Variants in OR51B5 observed in about 807,000 individuals in gnomAD.
The protein encoded by OR51B5 is olfactory receptor family 51 subfamily B member 5, also known as olfactory receptor 51B5.
For synonymous variants in OR51B5, 186 were observed against 144.8 expected, an observed-to-expected ratio of 1.28 and a Z score of -2.04; for missense variants, 456 against 374.6, an observed-to-expected ratio of 1.22 and a Z score of -1.79.
chr11:5,505,602 G>A, exon 1 of OR51B5: 1 of 659,644 alleles, frequency 1.5e-6, no homozygotes, highest in South Asian at 2.1e-5. Context: ...TCACAACCAT[G>A]GCCAGGAGAA....
chr11:5,454,426 G>A, intron 1 of OR51B5: 2 of 1,601,100 alleles, frequency 1.2e-6, no homozygotes, highest in South Asian at 1.1e-5. Context: ...ATCAAAATAT[G>A]ACTTTCACAC....
intron 1 of OR51B5, among the ~76,000 whole-genome samples, chr11:5,387,239 C>T (rs538853666): frequency 6.6e-6 from 1 of 152,014 alleles, no homozygotes; most frequent in African/African-American, 2.4e-5. Flanking sequence ...CTAGAGAGAG[C>T]TCTAAAAAGG....
chr11:5,448,378 C>T (rs1273210568), intron 1 of OR51B5, among the ~76,000 whole-genome samples: 3 of 152,144 alleles, frequency 2.0e-5, no homozygotes. Context: ...CTGATAGCAA[C>T]ATTTAAGGAG....
chr11:5,348,068 T>A (rs573119089), upstream of OR51B5, among the ~76,000 whole-genome samples: 1 of 149,360 alleles, frequency 6.7e-6, no homozygotes, highest in Non-Finnish European at 1.5e-5. Context: ...AACAGAGAGA[T>A]CGAAGCTGAT....
At chr11:5,356,307 G>T (rs1039518289) in intron 1 of OR51B5, among the ~76,000 whole-genome samples, 2 of 151,956 alleles carry the variant, frequency 1.3e-5, no homozygotes, top group African/African-American at 4.8e-5. Context: ...GAAAACCAAG[G>T]CATGAGAACT....
Position 5,418,245 on chromosome 11 carries a change from G to A in OR51B5, n.85-71335C>T, listed in dbSNP as rs61894102. On this transcript the variant is annotated intron_variant and non_coding_transcript_variant, in intron 1 of 4. Transcript: ENST00000415970. Reference sequence around the variant, plus strand: ...ACAGGAAGGGGAACATCACACTCTGGGGACTGTTGTGGGGTGCGGGGAGGG... The same window carrying A: ...ACAGGAAGGGGAACATCACACTCTGAGGACTGTTGTGGGGTGCGGGGAGGG... 0.039 allele frequency among the ~76,000 whole-genome samples: 5,933 copies of A among 151,980 alleles called. 508 individuals are homozygous for A. The East Asian group carries it at 0.4, about 10-fold the overall frequency.
At chr11:5,421,408 A>C (rs1850334975) in intron 1 of OR51B5, among the ~76,000 whole-genome samples, 1 of 152,248 alleles carries the variant, frequency 6.6e-6, no homozygotes, top group Admixed American at 6.5e-5. Flanking sequence ...AGGGCACATG[A>C]CTTGTTAGAA....
intron 1 of OR51B5, among the ~76,000 whole-genome samples, chr11:5,363,840 A>C (rs1212227004): frequency 5.3e-5 from 8 of 152,194 alleles, no homozygotes. Flanking sequence ...AGCAATTACC[A>C]TAGCAATTAT....
At chr11:5,379,672 C>A (rs1382650431) in intron 1 of OR51B5, among the ~76,000 whole-genome samples, 1 of 122,268 alleles carries the variant, frequency 8.2e-6, no homozygotes, top group African/African-American at 3.1e-5. Flanking sequence ...TCAAGGTTAG[C>A]TAAAGATATG....
chr11:5,418,910 G>T (rs886357284), intron 1 of OR51B5, among the ~76,000 whole-genome samples: 1 of 145,942 alleles, frequency 6.9e-6, no homozygotes, highest in Non-Finnish European at 1.5e-5. Flanking sequence ...GGTCTCACTA[G>T]AAGTTCCTGA....
At chr11:5,389,262 C>A (rs1849751145) in intron 1 of OR51B5, 3 of 842,564 alleles carry the variant, frequency 3.6e-6, no homozygotes, top group South Asian at 1.7e-5. Context: ...GTGAGATTGG[C>A]AGAATTCATA....
chr11:5,454,691 A>C (rs1305855358), intron 1 of OR51B5: 1 of 287,106 alleles, frequency 3.5e-6, no homozygotes, highest in Non-Finnish European at 6.5e-6. Context: ...AATTTAAGCT[A>C]GGAATTATTT....
intron 1 of OR51B5, among the ~76,000 whole-genome samples, chr11:5,451,578 T>C (rs1288786754): frequency 6.6e-6 from 1 of 152,218 alleles, no homozygotes; most frequent in Non-Finnish European, 1.5e-5. Flanking sequence ...GAAACCATAG[T>C]ACCTGTGAGT....
intron 1 of OR51B5, chr11:5,402,754 G>C: frequency 2.1e-6 from 1 of 471,438 alleles, no homozygotes; most frequent in South Asian, 1.5e-5. Flanking sequence ...CACGTCATCA[G>C]AACAGATATT....
At chr11:5,403,144 C>T (rs564485975) in intron 1 of OR51B5, 3 of 468,348 alleles carry the variant, frequency 6.4e-6, no homozygotes, top group South Asian at 4.7e-5. Flanking sequence ...TTCCTATTGT[C>T]TGCACCCCAA....
At chr11:5,361,761 GAAA>G (rs1849288746) in intron 1 of OR51B5, among the ~76,000 whole-genome samples, 1 of 58,948 alleles carries the variant, frequency 1.7e-5, no homozygotes, top group Non-Finnish European at 4.1e-5. Context: ...ATCTAGTTAG[GAAA>G]AAATCAAGTT....
chr11:5,426,556 A>C (rs1232795741), intron 1 of OR51B5, among the ~76,000 whole-genome samples: 1 of 152,142 alleles, frequency 6.6e-6, no homozygotes, highest in African/African-American at 2.4e-5. Context: ...AAAAAGAAGT[A>C]TAGTATGTAC....
chr11:5,461,344 G>A (rs941310377), intron 1 of OR51B5, among the ~76,000 whole-genome samples: 11 of 152,186 alleles, frequency 7.2e-5, no homozygotes, highest in Non-Finnish European at 1.2e-4. Context: ...TTCCGAGGGC[G>A]GGGGTTGCTA....
intron 1 of OR51B5, among the ~76,000 whole-genome samples, chr11:5,472,423 G>T (rs955536825): frequency 1.3e-5 from 2 of 152,094 alleles, no homozygotes; most frequent in African/African-American, 4.8e-5. Context: ...AGAGGCTGGT[G>T]AAGTGTCCAC....
Sources: gnomAD v4.1 joint callset for allele counts (sites outside exome capture counted in the v4.1 genomes callset) on GRCh38, gnomAD v4.1.1 for gene constraint, MANE v1.5 for transcripts, NCBI Gene and HGNC (gene_info 2026-07-23, HGNC 2026-07-21) for gene names.